Variants in RALGPS2 observed in about 807,000 individuals in gnomAD.
RALGPS2 encodes ras-specific guanine nucleotide-releasing factor RalGPS2.
In RALGPS2, 43 loss-of-function variants were observed where a neutral mutation model predicts 86.8. The ratio of observed to expected loss-of-function variants is 0.50; its 90% confidence interval spans 0.39 to 0.64. The LOEUF is 0.64. RALGPS2 is among the 30% of genes least tolerant of loss of function. RALGPS2 has a pLI of 0.00. For missense variants in RALGPS2, 536 were observed against 694.6 expected (o/e 0.77, Z 2.57); for synonymous variants, 243 against 231.3 (o/e 1.05, Z -0.46).
At chr1:178,895,002 A>G (rs915990400) in intron 16 of RALGPS2, among the ~76,000 whole-genome samples, 1 of 152,046 alleles carries the variant, frequency 6.6e-6, no homozygotes, top group African/African-American at 2.4e-5. Context: ...CCTGTAATAC[A>G]GTTTTGTTTT....
At chr1:178,742,190 C>A (rs6681903) in intron 1 of RALGPS2, among the ~76,000 whole-genome samples, 3,616 of 132,898 alleles carry the variant, frequency 0.027, 141 homozygotes, top group African/African-American at 0.093. Flanking sequence ...ATTAAAAAAA[C>A]AAGAGTTAAC....
intron 18 of RALGPS2, among the ~76,000 whole-genome samples, chr1:178,904,480 T>C (rs1158364789): frequency 6.6e-6 from 1 of 152,248 alleles, no homozygotes; most frequent in African/African-American, 2.4e-5. Flanking sequence ...TTTTATAGTT[T>C]CAGGTCTTAG....
intron 7 of RALGPS2, among the ~76,000 whole-genome samples, chr1:178,823,258 TC>T (rs759502933): frequency 2.0e-5 from 3 of 152,256 alleles, no homozygotes; most frequent in East Asian, 3.8e-4. Flanking sequence ...GGTAACAGCT[TC>T]ATTATTTATC....
At chr1:178,747,469 G>A in intron 1 of RALGPS2, 1 of 1,601,576 alleles carries the variant, frequency 6.2e-7, no homozygotes. Context: ...CTGTTGGCCA[G>A]TACTGTGCAC....
At chr1:178,780,309 T>G (rs962783914) in intron 2 of RALGPS2, among the ~76,000 whole-genome samples, 1 of 152,172 alleles carries the variant, frequency 6.6e-6, no homozygotes, top group Non-Finnish European at 1.5e-5. Context: ...AGTACTTTTC[T>G]CCTTATTTCT....
chr1:178,902,339 C>A, intron 18 of RALGPS2, 128 bp downstream of exon 18: 3 of 622,850 alleles, frequency 4.8e-6, no homozygotes, highest in Non-Finnish European at 8.1e-6. Context: ...CTTGATGAGC[C>A]AAAACCTAGT....
rs1417452344 is a variant in RALGPS2 at position 178,840,350 on chromosome 1, C to T, written c.607+6800C>T. On this transcript the variant is annotated intron_variant, in intron 8 of 19. Coordinates refer to ENST00000367635, the MANE Select transcript of RALGPS2 (RefSeq NM_152663.5). The stretch of plus-strand genomic sequence containing the variant: ...CTAGAACTCAGGATTAAGAAACTCA[C>T]TCAAAATCGCTCAACTACATGGAAA... Among the ~76,000 whole-genome samples the T allele has an allele frequency of 2.0e-5, 3 of 152,320 alleles. No individual in the cohort carries two copies. The East Asian group carries it at 5.8e-4, about 29-fold the overall frequency.
At chr1:178,745,799 A>G (rs906468608) in intron 1 of RALGPS2, among the ~76,000 whole-genome samples, 6 of 146,998 alleles carry the variant, frequency 4.1e-5, no homozygotes, top group Non-Finnish European at 7.5e-5. Context: ...AAAATGTGCT[A>G]TTCAAAAGAG....
chr1:178,862,734 G>A (rs1658122491), intron 8 of RALGPS2, among the ~76,000 whole-genome samples: 1 of 152,060 alleles, frequency 6.6e-6, no homozygotes, highest in Non-Finnish European at 1.5e-5. Context: ...TATTGGAACA[G>A]ATGGTTTTTG....
At chr1:178,856,778 A>G (rs141130682) in intron 8 of RALGPS2, among the ~76,000 whole-genome samples, 3 of 152,292 alleles carry the variant, frequency 2.0e-5, no homozygotes, top group African/African-American at 7.2e-5. Context: ...TAAATTTAAT[A>G]TAGCTCATCA....
At position 178,918,283 on chromosome 1, in the gene RALGPS2, T is replaced by C. The variant is rs749037368; in HGVS notation, c.*1924T>C. ...ACGTAGACCTTGCACATCTTACTTTTGTTTTGCATTTTTAAAAATTTCTTA... is the reference window on the plus strand; with the variant it reads ...ACGTAGACCTTGCACATCTTACTTTCGTTTTGCATTTTTAAAAATTTCTTA... On this transcript the variant is annotated 3_prime_UTR_variant, in exon 20 of 20. Transcript: ENST00000367635. The C allele has an allele frequency of 3.3e-5, 5 of 152,188 alleles. No individual in the cohort carries two copies. Among genetic ancestry groups the C allele is most frequent in the Non-Finnish European group, 5.9e-5 (4 of 67,986 alleles). The allele number at this position is 152,188 out of a possible 1,614,324, so 9.4% of individuals were successfully genotyped here.
In RALGPS2 at chr1:178,776,818, T is replaced by G; in HGVS notation, c.54T>G (p.Ser18=). ...ASSVNIAATA[S]EKSSSSESLS... is the part of the protein sequence containing the mutation. Reference sequence around the variant, plus strand: ...GTGTCAATATTGCAGCTACTGCTTCTGAGGTAAGATATTTAAGAAGCTTGG... The same window carrying G: ...GTGTCAATATTGCAGCTACTGCTTCGGAGGTAAGATATTTAAGAAGCTTGG... Residue 18 remains serine, a synonymous_variant, in exon 2 of 20, where the codon TCT becomes TCG. Transcript: ENST00000367635. 1 of 1,612,250 alleles carries G rather than the reference T, an allele frequency of 6.2e-7. No individual in the cohort carries two copies. The highest frequency in any genetic ancestry group is 8.5e-7 in the Non-Finnish European group (1 of 1,178,860).
chr1:178,847,973 A>C (rs776749013), intron 8 of RALGPS2, among the ~76,000 whole-genome samples: 1 of 152,198 alleles, frequency 6.6e-6, no homozygotes, highest in African/African-American at 2.4e-5. Flanking sequence ...CCTCCCATTT[A>C]GTCCAGAATA....
intron 7 of RALGPS2, among the ~76,000 whole-genome samples, chr1:178,830,408 C>A (rs939436449): frequency 4.0e-5 from 6 of 151,822 alleles, no homozygotes; most frequent in Non-Finnish European, 8.8e-5. Context: ...AATGAAGAAC[C>A]CAGAAATACC....
intron 4 of RALGPS2, among the ~76,000 whole-genome samples, chr1:178,791,697 T>C (rs1231869064): frequency 1.3e-5 from 2 of 152,172 alleles, no homozygotes; most frequent in Non-Finnish European, 2.9e-5. Flanking sequence ...TAATTCTTAC[T>C]AGTTTATGGA....
chr1:178,774,864 C>T (rs1057106450), intron 1 of RALGPS2, among the ~76,000 whole-genome samples: 10 of 150,416 alleles, frequency 6.6e-5, no homozygotes, highest in African/African-American at 2.4e-4. Flanking sequence ...CTGAAGGCTG[C>T]TATCATTAGT....
At chr1:178,795,599 A>G (rs1490645979) in intron 4 of RALGPS2, among the ~76,000 whole-genome samples, 3 of 151,972 alleles carry the variant, frequency 2.0e-5, no homozygotes, top group South Asian at 2.1e-4. Flanking sequence ...TTTTTAGTAG[A>G]GATGGGGTTT....
chr1:178,831,346 C>T (rs12064728), intron 7 of RALGPS2, among the ~76,000 whole-genome samples: 92,243 of 152,060 alleles, frequency 0.61, 28,425 homozygotes, highest in African/African-American at 0.72. Context: ...CACACATTCA[C>T]ACATATTGTG....
intron 7 of RALGPS2, among the ~76,000 whole-genome samples, chr1:178,827,262 A>G (rs1227248223): frequency 6.6e-6 from 1 of 152,256 alleles, no homozygotes; most frequent in Non-Finnish European, 1.5e-5. Context: ...TGCAGTCACT[A>G]TCAAAATTTC....
Sources: allele counts gnomAD v4.1 joint callset (sites outside exome capture counted in the v4.1 genomes callset), GRCh38; gene constraint gnomAD v4.1.1; transcripts MANE v1.5; gene names NCBI Gene and HGNC (gene_info 2026-07-23, HGNC 2026-07-21).